The following STX8 variants were observed in gnomAD, a reference collection of about 807,000 sequenced individuals.
The protein encoded by STX8 is syntaxin 8.
STX8 carries 23 observed loss-of-function variants against 37.5 expected under a neutral mutation model. That is an observed-to-expected ratio of 0.61 (90% CI 0.44 to 0.87). STX8 has a LOEUF of 0.87. STX8 is among the 40% of genes least tolerant of loss of function. The probability of loss-of-function intolerance (pLI) is 0.00; values close to 1 mark genes in which losing one functional copy is unlikely to be tolerated. For missense variants in STX8, 313 were observed against 284.7 expected (o/e 1.10, Z -0.71); for synonymous variants, 115 against 99.1 (o/e 1.16, Z -0.95).
intron 6 of STX8, among the ~76,000 whole-genome samples, chr17:9,444,048 C>T (rs1904753939): frequency 6.6e-6 from 1 of 152,200 alleles, no homozygotes; most frequent in Non-Finnish European, 1.5e-5. Context: ...AGCACTGTAT[C>T]ATACCTAGTT....
chr17:9,381,145 G>A (rs1567805077), intron 6 of STX8, among the ~76,000 whole-genome samples: 1 of 152,074 alleles, frequency 6.6e-6, no homozygotes. Context: ...TTTTGTGTGA[G>A]TACACTCCAT....
At chr17:9,283,250 T>C (rs1324975900) in intron 7 of STX8, 1 of 152,150 alleles carries the variant, frequency 6.6e-6, no homozygotes, top group Non-Finnish European at 1.5e-5. Flanking sequence ...GTGTTTGAAA[T>C]AGAATTCTCA....
At chr17:9,359,525 T>TG (rs1316113361) in intron 7 of STX8, among the ~76,000 whole-genome samples, 1 of 139,136 alleles carries the variant, frequency 7.2e-6, no homozygotes, top group African/African-American at 2.6e-5. Context: ...TTTTTTTTTT[T>TG]GGGACAGAGT....
At chr17:9,486,228 G>C (rs1597702118) in intron 6 of STX8, among the ~76,000 whole-genome samples, 1 of 152,138 alleles carries the variant, frequency 6.6e-6, no homozygotes, top group African/African-American at 2.4e-5. Flanking sequence ...AAGGAACCAG[G>C]GATCCTTGAG....
intron 6 of STX8, among the ~76,000 whole-genome samples, chr17:9,426,843 TAATTC>T (rs1913649123): frequency 6.6e-6 from 1 of 152,106 alleles, no homozygotes; most frequent in African/African-American, 2.4e-5. Flanking sequence ...GCAAACAAAA[TAATTC>T]AATATAAGTT....
intron 4 of STX8, among the ~76,000 whole-genome samples, chr17:9,519,280 A>G (rs1905253139): frequency 2.6e-5 from 4 of 151,708 alleles, no homozygotes; most frequent in Admixed American, 2.6e-4. Context: ...CAAATTCATG[A>G]CTCTCACCCC....
chr17:9,259,969 G>A (rs921324437), intron 7 of STX8, among the ~76,000 whole-genome samples: 4 of 152,114 alleles, frequency 2.6e-5, no homozygotes, highest in Admixed American at 2.6e-4. Flanking sequence ...TGTAATCCCA[G>A]CACTTTGGGA....
At chr17:9,326,019 G>C (rs965609528) in intron 7 of STX8, among the ~76,000 whole-genome samples, 1 of 152,350 alleles carries the variant, frequency 6.6e-6, no homozygotes, top group South Asian at 2.1e-4. Flanking sequence ...AGTGGGAAAA[G>C]GTTGGGGGTC....
At chr17:9,422,412 C>T (rs1005169233) in intron 6 of STX8, among the ~76,000 whole-genome samples, 25 of 152,166 alleles carry the variant, frequency 1.6e-4, no homozygotes, top group Non-Finnish European at 3.7e-4. Flanking sequence ...TGGCCAAGGC[C>T]GTCTCAGGTA....
intron 7 of STX8, among the ~76,000 whole-genome samples, chr17:9,369,131 C>A (rs1337979498): frequency 6.6e-6 from 1 of 152,140 alleles, no homozygotes; most frequent in Non-Finnish European, 1.5e-5. Flanking sequence ...ACCTGGCACA[C>A]AGATGATATC....
chr17:9,432,595 C>G (rs1394359783), intron 6 of STX8, among the ~76,000 whole-genome samples: 3 of 152,192 alleles, frequency 2.0e-5, no homozygotes, highest in African/African-American at 7.2e-5. Context: ...GCAGTCACCA[C>G]AAATGTGTTT....
chr17:9,357,827 T>C (rs571632994), intron 7 of STX8, among the ~76,000 whole-genome samples: 3 of 152,246 alleles, frequency 2.0e-5, no homozygotes, highest in South Asian at 2.1e-4. Context: ...CTGATTTCAA[T>C]TGTTTTATTG....
At chr17:9,341,485 A>G (rs754059755) in intron 7 of STX8, among the ~76,000 whole-genome samples, 24 of 152,240 alleles carry the variant, frequency 1.6e-4, no homozygotes, top group East Asian at 3.9e-4. Flanking sequence ...TTGCCAGGCT[A>G]GAGTGCAATG....
intron 6 of STX8, among the ~76,000 whole-genome samples, chr17:9,450,139 T>C (rs1567566151): frequency 6.6e-6 from 1 of 151,842 alleles, no homozygotes. Flanking sequence ...AGTGCAGTGG[T>C]GCGATCTTGG....
chr17:9,463,010 T>C (rs1292032245), intron 6 of STX8, among the ~76,000 whole-genome samples: 2 of 152,184 alleles, frequency 1.3e-5, no homozygotes, highest in African/African-American at 4.8e-5. Context: ...TCATCCACCC[T>C]GGCAGGAAAG....
intron 7 of STX8, among the ~76,000 whole-genome samples, chr17:9,335,385 C>A (rs1385443209): frequency 6.6e-6 from 1 of 152,126 alleles, no homozygotes; most frequent in Non-Finnish European, 1.5e-5. Flanking sequence ...ACATAAGTAA[C>A]CCACTTGGTG....
chr17:9,250,924 G>C (rs2142113902), intron 7 of STX8, among the ~76,000 whole-genome samples: 1 of 152,222 alleles, frequency 6.6e-6, no homozygotes, highest in South Asian at 2.1e-4. Context: ...TCTAGCATCT[G>C]TGTACACCTT....
intron 7 of STX8, among the ~76,000 whole-genome samples, chr17:9,320,737 A>G (rs1909547407): frequency 6.6e-6 from 1 of 151,766 alleles, no homozygotes; most frequent in Admixed American, 6.6e-5. Context: ...TATTAAAAAA[A>G]AAAAAATACA....
intron 7 of STX8, among the ~76,000 whole-genome samples, chr17:9,351,152 A>G (rs1161742933): frequency 1.3e-5 from 2 of 150,472 alleles, no homozygotes; most frequent in Non-Finnish European, 3.0e-5. Context: ...TAATAATGTC[A>G]TAATAATGTA....
Sources: gnomAD v4.1 joint callset for allele counts (sites outside exome capture counted in the v4.1 genomes callset) on GRCh38, gnomAD v4.1.1 for gene constraint, MANE v1.5 for transcripts, NCBI Gene and HGNC (gene_info 2026-07-23, HGNC 2026-07-21) for gene names.